The following BEND4 variants were observed in gnomAD, a reference collection of about 807,000 sequenced individuals.
The protein encoded by BEND4 is BEN domain containing 4, also known as BEN domain-containing protein 4.
A neutral mutation model predicts 54.7 loss-of-function variants in BEND4; 27 were observed. That is an observed-to-expected ratio of 0.49 (90% confidence interval 0.36 to 0.68). The LOEUF (loss-of-function observed/expected upper bound fraction) is 0.68. BEND4 is among the 30% of genes least tolerant of loss of function. BEND4 has a pLI of 0.00. For missense variants in BEND4, 702 were observed against 697.2 expected, an observed-to-expected ratio of 1.01 and a Z score of -0.08; for synonymous variants, 327 against 299.5, an observed-to-expected ratio of 1.09 and a Z score of -0.95.
At chr4:42,126,169 G>T (rs1040955065) in intron 3 of BEND4, among the ~76,000 whole-genome samples, 1 of 152,230 alleles carries the variant, frequency 6.6e-6, no homozygotes, top group Non-Finnish European at 1.5e-5. Flanking sequence ...AGTTTGGAAA[G>T]AATTTTTAGG....
At chr4:42,121,045 C>A (rs922591254) in intron 4 of BEND4, among the ~76,000 whole-genome samples, 3 of 152,182 alleles carry the variant, frequency 2.0e-5, no homozygotes, top group Non-Finnish European at 4.4e-5. Context: ...CCTACACAAC[C>A]ATTACTTTAG....
chr4:42,142,951 T>C (rs1720941023), intron 3 of BEND4, among the ~76,000 whole-genome samples: 1 of 152,192 alleles, frequency 6.6e-6, no homozygotes, highest in South Asian at 2.1e-4. Flanking sequence ...ACTACTTGAG[T>C]CCTGCCTCTC....
Position 42,151,926 on chromosome 4 carries a change from C to A in BEND4, c.218G>T (p.Ser73Ile), listed in dbSNP as rs903419163. The stretch of plus-strand genomic sequence containing the variant: ...CTGGAACTGCTGCGGCGGCGGCTCG[C>A]TGCTGCTGATGGAGACGGCGGCGTG... ...APHAAVSISSSEPPPQQFQAQ... is the reference protein window; with the variant it reads ...APHAAVSISSIEPPPQQFQAQ... The change falls in exon 2 of 6, where the codon AGC (serine) becomes ATC (isoleucine). Residue 73 changes from serine (S) to isoleucine (I), a missense_variant. Coordinates refer to ENST00000502486, the MANE Select transcript of BEND4 (RefSeq NM_207406.4). 46 of 1,255,056 alleles carry A rather than the reference C, an allele frequency of 3.7e-5. No homozygotes were observed. The highest frequency in any genetic ancestry group is 4.7e-5 in the African/African-American group (3 of 63,806). The allele number at this position is 1,255,056 out of a possible 1,614,324, so 77.7% of individuals were successfully genotyped here. A position where few individuals can be genotyped will look rare whatever the true frequency, so the allele number is the denominator to read the frequency against.
chr4:42,119,530 A>G (rs774258020), intron 5 of BEND4, among the ~76,000 whole-genome samples: 16 of 152,162 alleles, frequency 1.1e-4, no homozygotes, highest in Non-Finnish European at 2.1e-4. Flanking sequence ...TTATCTCTGC[A>G]GTACACTTAA....
chr4:42,126,636 G>T (rs888469287), intron 3 of BEND4, among the ~76,000 whole-genome samples: 1 of 152,188 alleles, frequency 6.6e-6, no homozygotes, highest in South Asian at 2.1e-4. Flanking sequence ...ACATTTTTTT[G>T]TACCACTACA....
intron 4 of BEND4, among the ~76,000 whole-genome samples, chr4:42,123,380 C>T (rs1720137004): frequency 6.6e-6 from 1 of 151,860 alleles, no homozygotes; most frequent in Non-Finnish European, 1.5e-5. Flanking sequence ...GGTTATTAAA[C>T]ATTGACCTAT....
intron 4 of BEND4, among the ~76,000 whole-genome samples, chr4:42,121,076 C>A (rs1321538959): frequency 6.6e-6 from 1 of 152,156 alleles, no homozygotes; most frequent in Non-Finnish European, 1.5e-5. Flanking sequence ...CCATAAAATT[C>A]TACAGTCCAG....
chr4:42,141,609 T>C (rs564421931), intron 3 of BEND4, among the ~76,000 whole-genome samples: 130 of 151,786 alleles, frequency 8.6e-4, no homozygotes, highest in Non-Finnish European at 1.4e-3. Context: ...GGCGTGGTGG[T>C]GCATGCCTGT....
At chr4:42,140,400 T>G (rs946282671) in intron 3 of BEND4, among the ~76,000 whole-genome samples, 7 of 152,252 alleles carry the variant, frequency 4.6e-5, no homozygotes, top group African/African-American at 1.7e-4. Context: ...TTGGATGTAT[T>G]TCTTAACATA....
At chr4:42,145,823 T>C (rs1721059396) in intron 2 of BEND4, among the ~76,000 whole-genome samples, 1 of 152,138 alleles carries the variant, frequency 6.6e-6, no homozygotes, top group Admixed American at 6.5e-5. Context: ...GCCAGATCTC[T>C]TCTACTCAGT....
chr4:42,116,092 T>C lies in BEND4; in HGVS notation c.*1426A>G, dbSNP rs1044480089. The C allele has an allele frequency of 6.6e-6, 1 of 152,252 alleles. No homozygotes were observed. Among genetic ancestry groups the C allele is most frequent in the Non-Finnish European group, 1.5e-5 (1 of 68,046 alleles). The allele number at this position is 152,252 out of a possible 1,614,324, so 9.4% of individuals were successfully genotyped here. The stretch of plus-strand genomic sequence containing the variant: ...ATCTAAAGGACAATTTATGAGTTTA[T>C]GTTGACAAAAATAGCCCAAAAACCC... On this transcript the variant is annotated 3_prime_UTR_variant, in exon 6 of 6. Coordinates refer to ENST00000502486, the MANE Select transcript of BEND4 (RefSeq NM_207406.4).
intron 2 of BEND4, among the ~76,000 whole-genome samples, chr4:42,147,481 C>CTTTT (rs71664398): frequency 3.8e-5 from 5 of 131,932 alleles, no homozygotes; most frequent in East Asian, 2.2e-4. Flanking sequence ...ATTTTTTTAA[C>CTTTT]TTTTTTTTTT....
chr4:42,124,556 G>C (rs1004998737), intron 4 of BEND4, among the ~76,000 whole-genome samples: 11 of 152,084 alleles, frequency 7.2e-5, no homozygotes, highest in Non-Finnish European at 1.5e-5. Flanking sequence ...AGAGGTGAGG[G>C]CCTGGGGTGA....
intron 4 of BEND4, among the ~76,000 whole-genome samples, chr4:42,122,471 G>C (rs1720101719): frequency 6.6e-6 from 1 of 152,210 alleles, no homozygotes; most frequent in Non-Finnish European, 1.5e-5. Flanking sequence ...TGACGCAGTA[G>C]AGCACGGGCC....
At chr4:42,137,061 T>C (rs546253526) in intron 3 of BEND4, among the ~76,000 whole-genome samples, 3 of 152,172 alleles carry the variant, frequency 2.0e-5, no homozygotes, top group Non-Finnish European at 2.9e-5. Flanking sequence ...GTTTTGAGGG[T>C]GGCGAGGGGT....
At chr4:42,127,902 G>A (rs1720347182) in intron 3 of BEND4, among the ~76,000 whole-genome samples, 1 of 152,172 alleles carries the variant, frequency 6.6e-6, no homozygotes, top group Non-Finnish European at 1.5e-5. Flanking sequence ...GGTGGCTCAT[G>A]CCTCTAATCC....
chr4:42,147,730 A>G (rs889502633), intron 2 of BEND4, among the ~76,000 whole-genome samples: 3 of 152,192 alleles, frequency 2.0e-5, no homozygotes, highest in Non-Finnish European at 4.4e-5. Context: ...GTCCGATTCC[A>G]AAATCTGAAC....
rs1201803733 is a variant in BEND4, at chr4:42,117,707, G to A, written c.1416C>T (p.Asn472=). 1.2e-6 allele frequency: 2 copies of A among 1,607,440 alleles called. No individual in the cohort carries two copies. The highest frequency in any genetic ancestry group is 1.7e-6 in the Non-Finnish European group (2 of 1,176,808). The change falls in exon 6 of 6, where the codon AAC becomes AAT. Residue 472 remains asparagine (N), a synonymous_variant. Transcript: ENST00000502486. ...CTTCCGAGGGCATCCACCAATCGGG[G>A]TTGGAGGTACAATGCATCCTAATGA... The part of the protein sequence containing the change: ...REFIRMHCTS[N]PDWWMPSEEQ...
intron 3 of BEND4, among the ~76,000 whole-genome samples, chr4:42,140,628 C>T (rs1720847913): frequency 6.6e-6 from 1 of 152,216 alleles, no homozygotes. Flanking sequence ...ACTGAGTTAA[C>T]TCCTACCACA....
Sources: allele counts gnomAD v4.1 joint callset (sites outside exome capture counted in the v4.1 genomes callset), GRCh38; gene constraint gnomAD v4.1.1; transcripts MANE v1.5; gene names NCBI Gene and HGNC (gene_info 2026-07-23, HGNC 2026-07-21).